Variants in SCRN1 observed in about 807,000 individuals in gnomAD.
SCRN1 encodes the protein secernin-1.
SCRN1 carries 19 observed loss-of-function variants against 43.3 expected under a neutral mutation model. That is an observed-to-expected ratio of 0.44 (90% CI 0.31 to 0.64). The LOEUF is 0.64. SCRN1 is among the 30% of genes least tolerant of loss of function. The probability of loss-of-function intolerance (pLI) is 0.09; values close to 1 mark genes in which losing one functional copy is unlikely to be tolerated. For missense variants in SCRN1, 447 were observed against 524.1 expected (o/e 0.85, Z 1.44); for synonymous variants, 183 against 188.9 (o/e 0.97, Z 0.26).
At chr7:29,936,150 T>C (rs1414318543) in intron 6 of SCRN1, among the ~76,000 whole-genome samples, 4 of 152,238 alleles carry the variant, frequency 2.6e-5, no homozygotes, top group Admixed American at 6.5e-5. Context: ...ACTGGTTGTT[T>C]TGATAAATCA....
intron 4 of SCRN1, among the ~76,000 whole-genome samples, chr7:29,941,143 A>C (rs2128089972): frequency 6.6e-6 from 1 of 152,330 alleles, no homozygotes; most frequent in Middle Eastern, 3.4e-3. Context: ...TCAACAGGAA[A>C]TATGTAAGGC....
intron 3 of SCRN1, among the ~76,000 whole-genome samples, chr7:29,945,128 G>A (rs1432026560): frequency 6.6e-6 from 1 of 152,130 alleles, no homozygotes; most frequent in Non-Finnish European, 1.5e-5. Context: ...CTATTGGTAT[G>A]GCTTACAGCT....
chr7:29,921,643 A>C lies in SCRN1; in HGVS notation c.*2314T>G, dbSNP rs765928088. ...CTAGTGGTAGGACTAGGACATCACAATTGTGGTGCAGAGTATTAGCCAAGA... is the reference window on the plus strand; with the variant it reads ...CTAGTGGTAGGACTAGGACATCACACTTGTGGTGCAGAGTATTAGCCAAGA... On this transcript the variant is annotated 3_prime_UTR_variant, in exon 8 of 8. Transcript: ENST00000242059. 6.6e-6 allele frequency: 1 copy of C among 152,192 alleles called. No homozygotes were observed. The highest frequency in any genetic ancestry group is 1.9e-4 in the East Asian group (1 of 5,196). The allele number at this position is 152,192 out of a possible 1,614,324, so 9.4% of individuals were successfully genotyped here.
intron 6 of SCRN1, 93 bp downstream of exon 6, chr7:29,936,463 G>A (rs1173590382): frequency 1.7e-6 from 2 of 1,157,818 alleles, no homozygotes; most frequent in African/African-American, 3.1e-5. Flanking sequence ...TATCCAAGGG[G>A]AGGACATGGT....
chr7:29,976,324 G>A lies in SCRN1; in HGVS notation c.-1-7256C>T, dbSNP rs181899269. On this transcript the variant is annotated intron_variant, in intron 1 of 7. Coordinates refer to ENST00000242059, the MANE Select transcript of SCRN1 (RefSeq NM_014766.5). Reference sequence around the variant, plus strand: ...ATTTCAAGTTAAACAGCCAATATTAGGCTAAGTGATATAAGCCAGTCACGA... The same window carrying A: ...ATTTCAAGTTAAACAGCCAATATTAAGCTAAGTGATATAAGCCAGTCACGA... Among the ~76,000 whole-genome samples, 7 of 152,260 alleles carry A rather than the reference G, an allele frequency of 4.6e-5. No homozygotes were observed. In the East Asian group the frequency reaches 1.4e-3, roughly 29 times the overall value.
chr7:29,989,984 A>G, upstream of SCRN1: 1 of 1,323,724 alleles, frequency 7.6e-7, no homozygotes, highest in Middle Eastern at 3.1e-4. Context: ...GGAGCGGCCG[A>G]GAGGGCGTAT....
At chr7:29,983,743 T>C (rs1403620291) in intron 1 of SCRN1, among the ~76,000 whole-genome samples, 1 of 152,196 alleles carries the variant, frequency 6.6e-6, no homozygotes, top group Non-Finnish European at 1.5e-5. Flanking sequence ...TATTATAAAG[T>C]TCCAGTATTA....
intron 1 of SCRN1, chr7:29,970,085 C>T (rs1788620751): frequency 1.2e-5 from 4 of 322,830 alleles, no homozygotes; most frequent in South Asian, 1.0e-4. Flanking sequence ...GCTCCAAAAC[C>T]TCTATCACTC....
At chr7:29,924,205 T>C in intron 7 of SCRN1, 90 bp from the exon 8 acceptor site, 1 of 1,358,802 alleles carries the variant, frequency 7.4e-7, no homozygotes, top group South Asian at 1.4e-5. Flanking sequence ...CCAGCTGGCT[T>C]CCTGCTCAAG....
intron 1 of SCRN1, among the ~76,000 whole-genome samples, chr7:29,977,194 C>T (rs181070428): frequency 1.3e-5 from 2 of 152,314 alleles, no homozygotes; most frequent in Non-Finnish European, 2.9e-5. Flanking sequence ...GACCAACTGC[C>T]TTTACTTACG....
chr7:29,972,174 G>A (rs1343071465), intron 1 of SCRN1, among the ~76,000 whole-genome samples: 7 of 152,202 alleles, frequency 4.6e-5, no homozygotes, highest in East Asian at 1.9e-4. Context: ...TCTGGGCATC[G>A]GGGGAATTGC....
intron 1 of SCRN1, among the ~76,000 whole-genome samples, chr7:29,976,266 G>A (rs1351510950): frequency 6.6e-6 from 1 of 152,144 alleles, no homozygotes; most frequent in African/African-American, 2.4e-5. Flanking sequence ...TTGAAATGTG[G>A]CTAGTTCAAC....
intron 5 of SCRN1, among the ~76,000 whole-genome samples, chr7:29,939,684 T>C (rs1412816850): frequency 6.6e-6 from 1 of 152,160 alleles, no homozygotes; most frequent in African/African-American, 2.4e-5. Context: ...CAAAAGGTCA[T>C]AGTTTGCAGA....
chr7:29,989,811 G>A (rs1350030997), upstream of SCRN1: 37 of 990,570 alleles, frequency 3.7e-5, no homozygotes, highest in Admixed American at 2.2e-3. Flanking sequence ...CCCGGCGCTG[G>A]GGCCCGCCGC....
chr7:29,959,687 T>C (rs1037977331), intron 2 of SCRN1, among the ~76,000 whole-genome samples: 2 of 152,178 alleles, frequency 1.3e-5, no homozygotes, highest in Admixed American at 1.3e-4. Flanking sequence ...GGTGCTGAGA[T>C]CAGAGGGCAA....
chr7:29,967,809 A>C (rs562598065), intron 2 of SCRN1, among the ~76,000 whole-genome samples: 1 of 152,246 alleles, frequency 6.6e-6, no homozygotes, highest in Non-Finnish European at 1.5e-5. Context: ...CAAGAAAAGC[A>C]ATGATAAAAG....
intron 6 of SCRN1, among the ~76,000 whole-genome samples, chr7:29,931,210 G>A (rs760952465): frequency 6.6e-6 from 1 of 152,238 alleles, no homozygotes; most frequent in Non-Finnish European, 1.5e-5. Context: ...CATTTTGGAA[G>A]AACAGCAACA....
chr7:29,972,879 C>T (rs1249220314), intron 1 of SCRN1, among the ~76,000 whole-genome samples: 1 of 152,178 alleles, frequency 6.6e-6, no homozygotes, highest in Admixed American at 6.5e-5. Flanking sequence ...GATGAAGGAG[C>T]ACAGTTTTCC....
At chr7:29,968,776 A>G (rs1788575342) in intron 2 of SCRN1, 133 bp downstream of exon 2, 1 of 1,118,750 alleles carries the variant, frequency 8.9e-7, no homozygotes, top group African/African-American at 1.5e-5. Context: ...ACCTGCATGG[A>G]AACAGGAATC....
Sources: gnomAD v4.1 joint callset for allele counts (sites outside exome capture counted in the v4.1 genomes callset) on GRCh38, gnomAD v4.1.1 for gene constraint, MANE v1.5 for transcripts, NCBI Gene and HGNC (gene_info 2026-07-23, HGNC 2026-07-21) for gene names.